UBE2Q2: variants seen among roughly 807,000 people sequenced by gnomAD.
UBE2Q2 encodes the protein ubiquitin conjugating enzyme E2 Q2, also known as ubiquitin-conjugating enzyme E2 Q2.
In UBE2Q2, 54 loss-of-function variants were observed where a neutral mutation model predicts 59.9. That is an observed-to-expected ratio of 0.90 (90% CI 0.72 to 1.13). UBE2Q2 has a LOEUF of 1.13. Among genes scored for constraint, UBE2Q2 ranks in the 50% most tolerant of loss-of-function variants. The pLI is 0.00. For missense variants in UBE2Q2, 433 were observed against 441.9 expected, an observed-to-expected ratio of 0.98 and a Z score of 0.18; for synonymous variants, 165 against 155.2, an observed-to-expected ratio of 1.06 and a Z score of -0.47.
intron 1 of UBE2Q2, chr15:75,844,506 G>T: frequency 6.5e-7 from 1 of 1,550,212 alleles, no homozygotes; most frequent in Non-Finnish European, 8.7e-7. Context: ...GTGTGTATTC[G>T]TGTGGCCCCT....
At position 75,864,165 on chromosome 15, in the gene UBE2Q2, A is replaced by G. The variant is rs149445340; in HGVS notation, c.387+4183A>G. ...TTTTTGGATTTTTACTTCTATATTA[A>G]GTAAGGTTATACTTTGTTTCCTTTT... On this transcript the variant is annotated intron_variant, in intron 3 of 12. Coordinates refer to ENST00000267938, the MANE Select transcript of UBE2Q2 (RefSeq NM_173469.4). 2.0e-4 allele frequency among the ~76,000 whole-genome samples: 30 copies of G among 152,302 alleles called. No homozygotes were observed. In the East Asian group the frequency reaches 4.2e-3, roughly 22 times the overall value.
chr15:75,872,461 G>A (rs1897847927), intron 4 of UBE2Q2, among the ~76,000 whole-genome samples: 1 of 151,886 alleles, frequency 6.6e-6, no homozygotes, highest in African/African-American at 2.4e-5. Context: ...AGATAGTACG[G>A]GAAAGAAGGG....
chr15:75,857,107 T>TAC (rs959755614), intron 2 of UBE2Q2, among the ~76,000 whole-genome samples: 1 of 152,094 alleles, frequency 6.6e-6, no homozygotes, highest in African/African-American at 2.4e-5. Context: ...TCTCTCTCTG[T>TAC]ACACACACAT....
At chr15:75,855,787 C>T (rs1003566034) in intron 2 of UBE2Q2, among the ~76,000 whole-genome samples, 2 of 152,120 alleles carry the variant, frequency 1.3e-5, no homozygotes, top group Non-Finnish European at 2.9e-5. Context: ...TTATCAAGAA[C>T]ATGACAATTT....
At chr15:75,865,821 C>T (rs1302185877) in intron 3 of UBE2Q2, among the ~76,000 whole-genome samples, 5 of 148,556 alleles carry the variant, frequency 3.4e-5, no homozygotes, top group Non-Finnish European at 7.4e-5. Flanking sequence ...TTTTTTTTAA[C>T]CTAGAAAGGG....
intron 1 of UBE2Q2, among the ~76,000 whole-genome samples, chr15:75,848,590 TGAAAG>T (rs941396691): frequency 6.6e-5 from 10 of 152,228 alleles, no homozygotes; most frequent in South Asian, 2.1e-4. Context: ...TACCTGTCCT[TGAAAG>T]GAACAGATAT....
At position 75,883,465 on chromosome 15, in the gene UBE2Q2, T is replaced by TA. The variant is rs751448462; in HGVS notation, c.884+49dup. ...TACTTAAAAAGAAATTTTTTTCAGT[T>TA]AAAAAAAATTTTTTTTTATAGGGAC... On this transcript the variant is annotated intron_variant, in intron 9 of 12. Coordinates refer to ENST00000267938, the MANE Select transcript of UBE2Q2 (RefSeq NM_173469.4). 35 of 1,553,798 alleles carry TA rather than the reference T, an allele frequency of 2.3e-5. No individual in the cohort carries two copies. The South Asian group carries it at 2.6e-4, about 11-fold the overall frequency.
chr15:75,876,162 G>A (rs1425365394), intron 5 of UBE2Q2, 25 bp from the exon 6 acceptor site: 3 of 1,611,258 alleles, frequency 1.9e-6, no homozygotes, highest in African/African-American at 2.7e-5. Context: ...GCAGACCCTG[G>A]TAAACAGTGG....
At chr15:75,860,590 T>C (rs1169123256) in intron 3 of UBE2Q2, among the ~76,000 whole-genome samples, 1 of 152,198 alleles carries the variant, frequency 6.6e-6, no homozygotes, top group Non-Finnish European at 1.5e-5. Context: ...AGCCAAGTTT[T>C]CTAGAATATT....
chr15:75,865,219 C>A (rs1897399182), intron 3 of UBE2Q2, among the ~76,000 whole-genome samples: 1 of 152,220 alleles, frequency 6.6e-6, no homozygotes, highest in Non-Finnish European at 1.5e-5. Context: ...CTAGTGTTAC[C>A]ACTTATGTAT....
chr15:75,876,041 G>A, intron 5 of UBE2Q2, 146 bp from the exon 6 acceptor site: 1 of 696,624 alleles, frequency 1.4e-6, no homozygotes, highest in East Asian at 2.7e-5. Context: ...CTCCAGCCTG[G>A]GTAACAGGGC....
intron 4 of UBE2Q2, among the ~76,000 whole-genome samples, chr15:75,869,797 A>G (rs1056263490): frequency 6.6e-6 from 1 of 152,172 alleles, no homozygotes; most frequent in Admixed American, 6.5e-5. Flanking sequence ...GTGCATTCCA[A>G]AGACATTGAG....
At chr15:75,865,262 A>G (rs1251469170) in intron 3 of UBE2Q2, among the ~76,000 whole-genome samples, 3 of 152,202 alleles carry the variant, frequency 2.0e-5, no homozygotes, top group Non-Finnish European at 4.4e-5. Flanking sequence ...AGTGTTGCCT[A>G]TTGCTGAACT....
At chr15:75,871,936 C>T (rs1230310788) in intron 4 of UBE2Q2, among the ~76,000 whole-genome samples, 2 of 152,018 alleles carry the variant, frequency 1.3e-5, no homozygotes, top group African/African-American at 2.4e-5. Context: ...AAAGAAATTT[C>T]GTGGATGGGA....
At chr15:75,892,163 G>A (rs1391878195) in intron 11 of UBE2Q2, among the ~76,000 whole-genome samples, 1 of 152,162 alleles carries the variant, frequency 6.6e-6, no homozygotes, top group African/African-American at 2.4e-5. Context: ...GAGAATCTCA[G>A]GATTGTGCAA....
chr15:75,847,895 G>C (rs557014366), intron 1 of UBE2Q2, among the ~76,000 whole-genome samples: 2 of 152,246 alleles, frequency 1.3e-5, no homozygotes, highest in African/African-American at 4.8e-5. Context: ...CTGCGTATAA[G>C]TGGCTGTTTG....
At chr15:75,882,880 A>G (rs1237460781) in intron 8 of UBE2Q2, among the ~76,000 whole-genome samples, 1 of 152,078 alleles carries the variant, frequency 6.6e-6, no homozygotes. Context: ...GCTGAGCTCC[A>G]GTATTTATCT....
intron 9 of UBE2Q2, 83 bp from the exon 10 acceptor site, chr15:75,890,352 A>G: frequency 1.9e-6 from 2 of 1,037,400 alleles, no homozygotes; most frequent in Non-Finnish European, 2.9e-6. Context: ...TTGTGTGCAT[A>G]TTTTCTTGGT....
chr15:75,881,789 C>T (rs1033585036), intron 8 of UBE2Q2, among the ~76,000 whole-genome samples: 1 of 152,114 alleles, frequency 6.6e-6, no homozygotes, highest in Non-Finnish European at 1.5e-5. Flanking sequence ...GTTGGTAAAT[C>T]CAACTTGCTA....
Sources: allele counts gnomAD v4.1 joint callset (sites outside exome capture counted in the v4.1 genomes callset), GRCh38; gene constraint gnomAD v4.1.1; transcripts MANE v1.5; gene names NCBI Gene and HGNC (gene_info 2026-07-23, HGNC 2026-07-21).